TNKS: variants seen among roughly 807,000 people sequenced by gnomAD.
TNKS encodes tankyrase.
TNKS carries 72 observed loss-of-function variants against 135.8 expected under a neutral mutation model. The observed-to-expected ratio is 0.53, with a 90% confidence interval of 0.44 to 0.64. The LOEUF (loss-of-function observed/expected upper bound fraction) is 0.64. Among genes scored for constraint, TNKS ranks in the 30% least tolerant of loss-of-function variants. The pLI is 0.00. For missense variants in TNKS, 1,769 were observed against 1,674.0 expected (o/e 1.06, Z -0.99); for synonymous variants, 849 against 649.3 (o/e 1.31, Z -4.68).
At chr8:9,624,347 C>T (rs1480435824) in intron 3 of TNKS, among the ~76,000 whole-genome samples, 1 of 152,190 alleles carries the variant, frequency 6.6e-6, no homozygotes, top group African/African-American at 2.4e-5. Context: ...TAAAGTAGCA[C>T]ATGTAACATT....
rs1263313770 is a variant in TNKS, at chr8:9,669,655, A to T, written c.995-10296A>T. The stretch of plus-strand genomic sequence containing the variant: ...ATAGTTATAGCAGAAGTCACAATTG[A>T]TTCAGCTTGGACTTAATGGATATAT... On this transcript the variant is annotated intron_variant, in intron 3 of 26. Transcript: ENST00000310430. 3.9e-5 allele frequency among the ~76,000 whole-genome samples: 6 copies of T among 152,290 alleles called. No individual in the cohort carries two copies. The East Asian group carries it at 9.6e-4, about 24-fold the overall frequency.
At chr8:9,760,185 A>C (rs1295740488) in intron 20 of TNKS, among the ~76,000 whole-genome samples, 1 of 152,190 alleles carries the variant, frequency 6.6e-6, no homozygotes, top group Admixed American at 6.5e-5. Context: ...TTTGTGAACT[A>C]TTCCATCTCA....
chr8:9,640,047 C>G (rs1800666371), intron 3 of TNKS, among the ~76,000 whole-genome samples: 1 of 152,108 alleles, frequency 6.6e-6, no homozygotes, highest in South Asian at 2.1e-4. Flanking sequence ...AGTGCCTATA[C>G]AGGGAATATA....
chr8:9,594,536 C>T (rs1798702850), intron 2 of TNKS, among the ~76,000 whole-genome samples: 1 of 152,160 alleles, frequency 6.6e-6, no homozygotes, highest in South Asian at 2.1e-4. Context: ...CTGTTAGACC[C>T]AGTGAACCTG....
At chr8:9,670,664 G>T (rs1802233631) in intron 3 of TNKS, 1 of 152,116 alleles carries the variant, frequency 6.6e-6, no homozygotes, top group African/African-American at 2.4e-5. Context: ...ATAATTTTCA[G>T]TTGGTGGTGT....
chr8:9,602,102 G>T (rs1799039042), intron 2 of TNKS, among the ~76,000 whole-genome samples: 1 of 152,166 alleles, frequency 6.6e-6, no homozygotes, highest in Admixed American at 6.5e-5. Context: ...CATCCAGTGG[G>T]TAGAGGTAAG....
chr8:9,627,550 T>TGCTA (rs1387206634), intron 3 of TNKS, among the ~76,000 whole-genome samples: 1 of 120,646 alleles, frequency 8.3e-6, no homozygotes, highest in Non-Finnish European at 1.7e-5. Context: ...ATTGCTTGCT[T>TGCTA]GCTTGCTTGC....
At chr8:9,772,882 G>A (rs2128843276) in intron 26 of TNKS, among the ~76,000 whole-genome samples, 1 of 146,612 alleles carries the variant, frequency 6.8e-6, no homozygotes, top group Non-Finnish European at 1.5e-5. Flanking sequence ...GTGGGTGTGG[G>A]TGTATCTAGT....
At chr8:9,771,480 AG>A (rs1196886139) in intron 26 of TNKS, among the ~76,000 whole-genome samples, 1 of 129,024 alleles carries the variant, frequency 7.8e-6, no homozygotes, top group African/African-American at 2.9e-5. Flanking sequence ...AGAAGAAGGA[AG>A]GGGGAAAGAG....
At chr8:9,629,962 A>G (rs896238266) in intron 3 of TNKS, among the ~76,000 whole-genome samples, 13 of 152,126 alleles carry the variant, frequency 8.5e-5, no homozygotes, top group Non-Finnish European at 1.3e-4. Context: ...GATTACAGAC[A>G]TGAGCCACCG....
intron 3 of TNKS, among the ~76,000 whole-genome samples, chr8:9,662,925 T>C (rs1462986616): frequency 6.6e-6 from 1 of 152,188 alleles, no homozygotes; most frequent in Non-Finnish European, 1.5e-5. Flanking sequence ...TATGTTACCT[T>C]ATGGGATAAA....
chr8:9,603,294 A>G (rs1444261643), intron 2 of TNKS, among the ~76,000 whole-genome samples: 1 of 152,064 alleles, frequency 6.6e-6, no homozygotes, highest in Non-Finnish European at 1.5e-5. Context: ...ACCTGAAGTG[A>G]TCCGCCCGCC....
chr8:9,589,935 C>T (rs570745150), intron 2 of TNKS, among the ~76,000 whole-genome samples: 86 of 152,314 alleles, frequency 5.6e-4, no homozygotes, highest in African/African-American at 1.9e-3. Flanking sequence ...CCACCCAACA[C>T]GTCTCCTCTG....
chr8:9,616,724 A>T (rs536357133), intron 3 of TNKS, among the ~76,000 whole-genome samples: 8 of 152,230 alleles, frequency 5.3e-5, no homozygotes, highest in Non-Finnish European at 1.0e-4. Context: ...TCAGAGTAAT[A>T]TGACTTTTCT....
chr8:9,749,285 G>A (rs1224721093), intron 18 of TNKS, among the ~76,000 whole-genome samples: 6 of 151,910 alleles, frequency 3.9e-5, no homozygotes, highest in Non-Finnish European at 8.8e-5. Flanking sequence ...CACCTGCCAC[G>A]TGCTCCCCCC....
intron 3 of TNKS, among the ~76,000 whole-genome samples, chr8:9,626,186 C>G (rs1800046154): frequency 6.6e-6 from 1 of 152,094 alleles, no homozygotes; most frequent in Non-Finnish European, 1.5e-5. Flanking sequence ...GCTCTAAATT[C>G]CACTTTATAT....
intron 17 of TNKS, 114 bp from the exon 18 acceptor site, chr8:9,747,910 G>C (rs995198222): frequency 3.0e-5 from 30 of 1,001,812 alleles, no homozygotes; most frequent in Non-Finnish European, 3.7e-5. Flanking sequence ...CTTCTGTTAA[G>C]GATGAAAATG....
intron 2 of TNKS, among the ~76,000 whole-genome samples, chr8:9,596,748 A>C (rs1369355081): frequency 1.3e-5 from 2 of 152,226 alleles, no homozygotes; most frequent in Admixed American, 6.5e-5. Flanking sequence ...TGGTACACAT[A>C]ATCATGGCTA....
intron 13 of TNKS, among the ~76,000 whole-genome samples, chr8:9,728,127 C>G (rs1013032427): frequency 1.3e-5 from 2 of 152,102 alleles, no homozygotes; most frequent in African/African-American, 2.4e-5. Context: ...CAGATGTATA[C>G]TACAGCTTTT....
Sources: gnomAD v4.1 joint callset for allele counts (sites outside exome capture counted in the v4.1 genomes callset) on GRCh38, gnomAD v4.1.1 for gene constraint, MANE v1.5 for transcripts, NCBI Gene and HGNC (gene_info 2026-07-23, HGNC 2026-07-21) for gene names.